The following ZGRF1 variants were observed in gnomAD, a reference collection of about 807,000 sequenced individuals.
The protein encoded by ZGRF1 is zinc finger GRF-type containing 1, also known as 5'-3' DNA helicase ZGRF1.
Under a neutral mutation model 203.5 loss-of-function variants are expected in ZGRF1, and 196 were observed. That is an observed-to-expected ratio of 0.96 (90% CI 0.86 to 1.08). The LOEUF (loss-of-function observed/expected upper bound fraction) is 1.08, where lower values mean the gene tolerates loss of function less well. Ranked by LOEUF, ZGRF1 falls within the 50% of genes least tolerant of loss-of-function variation. ZGRF1 has a pLI of 0.00. For missense variants in ZGRF1, 2,326 were observed against 2,416.3 expected (o/e 0.96, Z 0.78); for synonymous variants, 809 against 841.3 (o/e 0.96, Z 0.66).
intron 18 of ZGRF1, among the ~76,000 whole-genome samples, chr4:112,562,082 T>C (rs945580627): frequency 4.6e-5 from 7 of 152,116 alleles, no homozygotes; most frequent in Admixed American, 3.9e-4. Flanking sequence ...GCTAATTTTG[T>C]ATTTTTAGTA....
chr4:112,540,650 G>GA (rs1291670704), intron 26 of ZGRF1, among the ~76,000 whole-genome samples, 171 bp downstream of exon 26: 2 of 151,678 alleles, frequency 1.3e-5, no homozygotes, highest in Non-Finnish European at 2.9e-5. Flanking sequence ...TAATTATACA[G>GA]AAAAAAAGCC....
intron 16 of ZGRF1, among the ~76,000 whole-genome samples, chr4:112,568,526 C>T (rs1743576201): frequency 6.6e-6 from 1 of 150,720 alleles, no homozygotes; most frequent in Non-Finnish European, 1.5e-5. Context: ...GCCTGACCAA[C>T]ATGGTGAAAC....
chr4:112,618,417 G>A lies in ZGRF1; in HGVS notation c.1625C>T (p.Thr542Ile). 6.2e-7 allele frequency: 1 copy of A among 1,613,768 alleles called. No homozygotes were observed. The highest frequency in any genetic ancestry group is 8.5e-7 in the Non-Finnish European group (1 of 1,179,878). Residue 542 changes from threonine (T) to isoleucine (I), a missense_variant, in exon 6 of 28, where the codon ACT (threonine) becomes ATT (isoleucine). Transcript: ENST00000505019. ...FNLNNFETSD[T>I]EEESQESNKI... is the part of the protein sequence containing the mutation. ...GTTGCTTTCCTGTGATTCCTCCTCA[G>A]TGTCACTGGTCTCAAAATTGTTCAG...
chr4:112,568,711 CAAAAAAAAAA>C (rs76531414), intron 16 of ZGRF1, among the ~76,000 whole-genome samples: 2 of 42,848 alleles, frequency 4.7e-5, no homozygotes, highest in East Asian at 6.9e-4. Flanking sequence ...AACTCTGTCT[CAAAAAAAAAA>C]AAAAAAAAAA....
At chr4:112,563,102 T>C (rs936750876) in intron 17 of ZGRF1, 29 bp downstream of exon 17, 7 of 1,506,908 alleles carry the variant, frequency 4.6e-6, no homozygotes, top group South Asian at 2.5e-5. Flanking sequence ...TTTTTAAATA[T>C]AAACTAAAAT....
At chr4:112,540,597 C>A (rs1158456728) in intron 26 of ZGRF1, among the ~76,000 whole-genome samples, 1 of 152,086 alleles carries the variant, frequency 6.6e-6, no homozygotes, top group East Asian at 1.9e-4. Context: ...TTTGCCGCAA[C>A]AGCTGTAAAC....
chr4:112,617,873 A>C lies in ZGRF1; in HGVS notation c.2169T>G (p.Asn723Lys). ...AAGTTGAGGGTAAAACATGTTCATC[A>C]TTTTTGTCTAAGTCACTTCCCAAAA... is the stretch of plus-strand genomic sequence containing the variant. ...PFILGSDLDK[N>K]DEHVLPSTSS... The change falls in exon 6 of 28, where the codon AAT (asparagine) becomes AAG (lysine). Residue 723 changes from asparagine to lysine, a missense_variant. By Grantham distance (94) the Asn-to-Lys change is moderately conservative. Coordinates refer to ENST00000505019, the MANE Select transcript of ZGRF1 (RefSeq NM_018392.5). The C allele has an allele frequency of 6.2e-7, 1 of 1,614,026 alleles. No homozygotes were observed. The highest frequency in any genetic ancestry group is 8.5e-7 in the Non-Finnish European group (1 of 1,179,966).
At chr4:112,594,735 G>T (rs933577829) in intron 10 of ZGRF1, among the ~76,000 whole-genome samples, 8 of 151,740 alleles carry the variant, frequency 5.3e-5, no homozygotes, top group African/African-American at 1.9e-4. Context: ...TTACAGGTGT[G>T]AGCCACCACG....
intron 10 of ZGRF1, among the ~76,000 whole-genome samples, chr4:112,601,879 A>T (rs1750037670): frequency 6.6e-6 from 1 of 152,104 alleles, no homozygotes; most frequent in Non-Finnish European, 1.5e-5. Context: ...GAATTCCAGA[A>T]AATTTTTTAA....
chr4:112,581,013 A>G (rs1387375499), intron 16 of ZGRF1, among the ~76,000 whole-genome samples: 1 of 151,930 alleles, frequency 6.6e-6, no homozygotes, highest in Non-Finnish European at 1.5e-5. Flanking sequence ...CAATAGCAAA[A>G]ACTTGGAACC....
intron 16 of ZGRF1, among the ~76,000 whole-genome samples, chr4:112,567,373 G>A (rs1318842320): frequency 6.6e-6 from 1 of 152,052 alleles, no homozygotes; most frequent in African/African-American, 2.4e-5. Context: ...ACAAAAACTG[G>A]ACTATAGAAT....
At chr4:112,614,615 G>C (rs1457061740) in intron 6 of ZGRF1, among the ~76,000 whole-genome samples, 1 of 152,138 alleles carries the variant, frequency 6.6e-6, no homozygotes, top group African/African-American at 2.4e-5. Context: ...GATCACCTGA[G>C]GTCAGTTCAA....
At chr4:112,621,805 G>A (rs1010703916) in intron 4 of ZGRF1, among the ~76,000 whole-genome samples, 2 of 150,254 alleles carry the variant, frequency 1.3e-5, no homozygotes, top group Non-Finnish European at 3.0e-5. Flanking sequence ...TCGGCTCACC[G>A]AACCTCCGCC....
chr4:112,633,349 G>A, intron 1 of ZGRF1, 107 bp from the exon 2 acceptor site: 1 of 595,838 alleles, frequency 1.7e-6, no homozygotes, highest in Non-Finnish European at 3.0e-6. Flanking sequence ...GGAGTTCCAA[G>A]ATTACCTAAC....
At chr4:112,600,897 G>A (rs1749847232) in intron 10 of ZGRF1, among the ~76,000 whole-genome samples, 1 of 151,962 alleles carries the variant, frequency 6.6e-6, no homozygotes, top group Non-Finnish European at 1.5e-5. Flanking sequence ...CCAGAGATCG[G>A]GGCCTTCGCA....
At chr4:112,550,833 A>C (rs1739816382) in intron 22 of ZGRF1, among the ~76,000 whole-genome samples, 1 of 152,194 alleles carries the variant, frequency 6.6e-6, no homozygotes, top group Non-Finnish European at 1.5e-5. Flanking sequence ...GCCTGGACAG[A>C]GCAAGATTCT....
intron 10 of ZGRF1, among the ~76,000 whole-genome samples, chr4:112,600,446 T>C (rs1381327104): frequency 6.6e-6 from 1 of 152,026 alleles, no homozygotes; most frequent in Non-Finnish European, 1.5e-5. Context: ...GTAATCCCAG[T>C]ACTTTGGGAG....
In ZGRF1 at chr4:112,554,699, T is replaced by C; in HGVS notation, c.5198+6A>G. On this transcript the variant is annotated splice_donor_region_variant and intron_variant, in intron 21 of 27. Coordinates refer to ENST00000505019, the MANE Select transcript of ZGRF1 (RefSeq NM_018392.5). ...TTCTGTGACTTCTGGAATTTTGCATTCTTACCTATAAGGTAAAATTGGTTT... is the reference window on the plus strand; with the variant it reads ...TTCTGTGACTTCTGGAATTTTGCATCCTTACCTATAAGGTAAAATTGGTTT... 6.8e-7 allele frequency: 1 copy of C among 1,472,172 alleles called. No individual in the cohort carries two copies. Among genetic ancestry groups the C allele is most frequent in the Non-Finnish European group, 9.3e-7 (1 of 1,075,238 alleles). 91.2% of individuals were successfully genotyped at this position (1,472,172 alleles called of 1,614,324 possible).
rs1238743176 is a variant in ZGRF1, at chr4:112,585,727, T to C, written c.3917-2A>G. 2.2e-6 allele frequency: 3 copies of C among 1,364,944 alleles called. No individual in the cohort carries two copies. The South Asian group carries it at 5.4e-5, about 25-fold the overall frequency. The allele number at this position is 1,364,944 out of a possible 1,614,324, so 84.6% of individuals were successfully genotyped here. The stretch of plus-strand genomic sequence containing the variant: ...CAAACAGCAATATATTTAGATGTTC[T>C]ACAAAAAAAAAAAAAAGAGAGCAGA... On this transcript the variant is annotated splice_acceptor_variant, in intron 13 of 27. Coordinates refer to ENST00000505019, the MANE Select transcript of ZGRF1 (RefSeq NM_018392.5). LOFTEE classifies it high-confidence loss of function.
Sources: allele counts gnomAD v4.1 joint callset (sites outside exome capture counted in the v4.1 genomes callset), GRCh38; gene constraint gnomAD v4.1.1; transcripts MANE v1.5; gene names NCBI Gene and HGNC (gene_info 2026-07-23, HGNC 2026-07-21).